TBC1D4: variants seen among roughly 807,000 people sequenced by gnomAD.
The protein encoded by TBC1D4 is TBC1 domain family member 4, also known as TBC (Tre-2, BUB2, CDC16) domain-containing protein.
In TBC1D4, 121 loss-of-function variants were observed where a neutral mutation model predicts 142.5. The ratio of observed to expected loss-of-function variants is 0.85; its 90% CI spans 0.73 to 0.99. The LOEUF (loss-of-function observed/expected upper bound fraction) is 0.99, where lower values mean the gene tolerates loss of function less well. TBC1D4 is among the 50% of genes least tolerant of loss of function. TBC1D4 has a pLI of 0.00. For missense variants in TBC1D4, 1,475 were observed against 1,606.6 expected, an observed-to-expected ratio of 0.92 and a Z score of 1.40; for synonymous variants, 630 against 628.2, an observed-to-expected ratio of 1.00 and a Z score of -0.04.
intron 5 of TBC1D4, among the ~76,000 whole-genome samples, chr13:75,343,283 A>C (rs1880863038): frequency 6.6e-6 from 1 of 152,220 alleles, no homozygotes; most frequent in Non-Finnish European, 1.5e-5. Flanking sequence ...TTCACTTCAC[A>C]CTTGCCAGAA....
At chr13:75,446,633 C>T (rs1422338304) in intron 1 of TBC1D4, among the ~76,000 whole-genome samples, 1 of 152,176 alleles carries the variant, frequency 6.6e-6, no homozygotes, top group Non-Finnish European at 1.5e-5. Flanking sequence ...TCAGTGGAAA[C>T]AGTTTTTCTT....
At chr13:75,393,173 C>T (rs1284465629) in intron 1 of TBC1D4, among the ~76,000 whole-genome samples, 4 of 150,828 alleles carry the variant, frequency 2.7e-5, no homozygotes, top group East Asian at 1.9e-4. Context: ...TTTGTTTGCT[C>T]TTACTACTGC....
At chr13:75,413,683 G>C (rs1593860297) in intron 1 of TBC1D4, among the ~76,000 whole-genome samples, 1 of 152,156 alleles carries the variant, frequency 6.6e-6, no homozygotes, top group South Asian at 2.1e-4. Flanking sequence ...GTCTTAAAAG[G>C]ATAGAGTTCT....
chr13:75,312,127 C>T (rs1466303256), intron 13 of TBC1D4, among the ~76,000 whole-genome samples: 1 of 151,982 alleles, frequency 6.6e-6, no homozygotes, highest in Non-Finnish European at 1.5e-5. Context: ...TCTTTGGATG[C>T]TTTTGCTTTA....
chr13:75,304,467 T>C (rs749775211), intron 15 of TBC1D4, among the ~76,000 whole-genome samples: 2 of 152,164 alleles, frequency 1.3e-5, no homozygotes, highest in Non-Finnish European at 2.9e-5. Context: ...AGGTGCTAGG[T>C]GTGCAGTGGT....
intron 1 of TBC1D4, among the ~76,000 whole-genome samples, chr13:75,400,137 C>T (rs1412544500): frequency 6.6e-6 from 1 of 152,172 alleles, no homozygotes; most frequent in Non-Finnish European, 1.5e-5. Context: ...TTGATTTAAG[C>T]CATTAATTAG....
chr13:75,405,174 C>A (rs1226866555), intron 1 of TBC1D4, among the ~76,000 whole-genome samples: 1 of 151,106 alleles, frequency 6.6e-6, no homozygotes, highest in East Asian at 1.9e-4. Flanking sequence ...AACCATGTCG[C>A]AGAATAGTAA....
In TBC1D4 at chr13:75,312,623, A is replaced by G. The variant is rs185528832; in HGVS notation, c.2383+115T>C. 1.6e-4 allele frequency: 222 copies of G among 1,390,246 alleles called. 1 individual carries two copies. The East Asian group carries it at 4.7e-3, about 29-fold the overall frequency. The allele number at this position is 1,390,246 out of a possible 1,614,324, so 86.1% of individuals were successfully genotyped here. ...AAAGAGAAACCACTGTATCACATAC[A>G]GAAAGATATTTCTACACTGTAATCA... is the stretch of plus-strand genomic sequence containing the variant. On this transcript the variant is annotated intron_variant, in intron 13 of 20. Transcript: ENST00000377636.
intron 1 of TBC1D4, among the ~76,000 whole-genome samples, chr13:75,417,405 G>A (rs1461738593): frequency 6.6e-6 from 1 of 152,176 alleles, no homozygotes; most frequent in Admixed American, 6.5e-5. Flanking sequence ...GAGTCTGAGA[G>A]TGGTGGGCAC....
intron 8 of TBC1D4, among the ~76,000 whole-genome samples, chr13:75,333,522 C>G (rs1321085008): frequency 6.6e-6 from 1 of 152,064 alleles, no homozygotes; most frequent in African/African-American, 2.4e-5. Flanking sequence ...GTTATAAGTA[C>G]AGTACAAAAA....
chr13:75,454,596 T>C (rs1429038635), intron 1 of TBC1D4, among the ~76,000 whole-genome samples: 1 of 152,236 alleles, frequency 6.6e-6, no homozygotes, highest in Non-Finnish European at 1.5e-5. Flanking sequence ...CCTTGCTATA[T>C]TTATTCAGTT....
At chr13:75,297,263 T>C (rs981598015) in intron 17 of TBC1D4, among the ~76,000 whole-genome samples, 5 of 152,226 alleles carry the variant, frequency 3.3e-5, no homozygotes, top group Admixed American at 2.6e-4. Flanking sequence ...GTCAAATTGA[T>C]GAATAATTTT....
intron 12 of TBC1D4, among the ~76,000 whole-genome samples, chr13:75,318,444 C>A (rs980289731): frequency 3.9e-5 from 6 of 152,138 alleles, no homozygotes; most frequent in Admixed American, 3.9e-4. Context: ...AAGATAGATA[C>A]CAAAACTTCA....
chr13:75,361,029 G>T (rs186035112), intron 2 of TBC1D4, among the ~76,000 whole-genome samples: 1 of 152,248 alleles, frequency 6.6e-6, no homozygotes, highest in African/African-American at 2.4e-5. Context: ...AATCTCACAA[G>T]CTGAGAATTA....
At chr13:75,303,867 GA>G (rs1402221753) in intron 15 of TBC1D4, among the ~76,000 whole-genome samples, 16 of 152,014 alleles carry the variant, frequency 1.1e-4, no homozygotes, top group Admixed American at 9.2e-4. Flanking sequence ...TGCCTTTATG[GA>G]ATTCCAAGCT....
intron 3 of TBC1D4, among the ~76,000 whole-genome samples, chr13:75,359,001 T>C (rs1882288880): frequency 6.6e-6 from 1 of 152,184 alleles, no homozygotes; most frequent in Admixed American, 6.5e-5. Context: ...GAAAACAAGA[T>C]AGGCCGGCGT....
chr13:75,362,839 T>C lies in TBC1D4; in HGVS notation c.499-232A>G, dbSNP rs1882648778. On this transcript the variant is annotated intron_variant, in intron 1 of 20. Coordinates refer to ENST00000377636, the MANE Select transcript of TBC1D4 (RefSeq NM_014832.5). The surrounding 1 kb of genome is among the most constrained non-coding windows in gnomAD (Gnocchi z 4.2). ...AATAGCAGGATTATATTTTCCCACT[T>C]TAAATGAGTCTCCCAGAAACAAAAC... is the stretch of plus-strand genomic sequence containing the variant. Among the ~76,000 whole-genome samples, 1 of 152,210 alleles carries C rather than the reference T, an allele frequency of 6.6e-6. No individual in the cohort carries two copies. The highest frequency in any genetic ancestry group is 2.4e-5 in the African/African-American group (1 of 41,442).
chr13:75,310,821 G>T (rs1877673329), intron 13 of TBC1D4, among the ~76,000 whole-genome samples: 1 of 152,016 alleles, frequency 6.6e-6, no homozygotes, highest in African/African-American at 2.4e-5. Context: ...CCCTCAAGGG[G>T]GTCCCGGTGT....
chr13:75,323,336 T>C (rs1878942258), intron 11 of TBC1D4, among the ~76,000 whole-genome samples: 1 of 152,002 alleles, frequency 6.6e-6, no homozygotes, highest in African/African-American at 2.4e-5. Flanking sequence ...TAAAAGTGAA[T>C]AAGTCAAGCT....
Sources: allele counts gnomAD v4.1 joint callset (sites outside exome capture counted in the v4.1 genomes callset), GRCh38; gene constraint gnomAD v4.1.1; non-coding constraint Gnocchi (gnomAD v3.1); transcripts MANE v1.5; gene names NCBI Gene and HGNC (gene_info 2026-07-23, HGNC 2026-07-21).